Variants in PARN observed in about 807,000 individuals in gnomAD.
PARN encodes the protein poly(A)-specific ribonuclease.
In PARN, 71 loss-of-function variants were observed where a neutral mutation model predicts 102.8. That is an observed-to-expected ratio of 0.69 (90% CI 0.57 to 0.84). The LOEUF (loss-of-function observed/expected upper bound fraction) is 0.84. PARN is among the 40% of genes least tolerant of loss of function. The pLI is 0.00. For missense variants in PARN, 782 were observed against 760.9 expected (o/e 1.03, Z -0.33); for synonymous variants, 261 against 252.9 (o/e 1.03, Z -0.30).
intron 11 of PARN, among the ~76,000 whole-genome samples, chr16:14,602,385 G>T (rs190714857): frequency 2.6e-5 from 4 of 152,180 alleles, no homozygotes; most frequent in Admixed American, 2.0e-4. Context: ...TCCAGTCCCA[G>T]TCTCTCTGCC....
In PARN at chr16:14,437,582, T is replaced by G. The variant is rs191176070; in HGVS notation, c.1865-810A>C. Among the ~76,000 whole-genome samples the G allele has an allele frequency of 9.2e-5, 14 of 152,318 alleles. No individual in the cohort carries two copies. In the East Asian group the frequency reaches 2.3e-3, roughly 25 times the overall value. On this transcript the variant is annotated intron_variant, in intron 23 of 23. Coordinates refer to ENST00000437198, the MANE Select transcript of PARN (RefSeq NM_002582.4). ...GCCAGCAACTGAGCTGGGACTGGAC[T>G]TCAACGAATGTGAGGGAAGTCAGGA...
chr16:14,530,865 C>T (rs1966283983), intron 21 of PARN, among the ~76,000 whole-genome samples: 1 of 152,214 alleles, frequency 6.6e-6, no homozygotes, highest in Non-Finnish European at 1.5e-5. Flanking sequence ...ATGTAGCCCC[C>T]ATGCAGAGAA....
intron 12 of PARN, among the ~76,000 whole-genome samples, chr16:14,598,398 G>C (rs116800356): frequency 0.042 from 6,408 of 152,152 alleles, 146 homozygotes; most frequent in African/African-American, 0.051. Flanking sequence ...ACAAACAAAT[G>C]TCCAATCTTG....
At chr16:14,622,680 G>C (rs1972389032) in intron 5 of PARN, among the ~76,000 whole-genome samples, 1 of 152,082 alleles carries the variant, frequency 6.6e-6, no homozygotes, top group Non-Finnish European at 1.5e-5. Flanking sequence ...AATTTTTTTT[G>C]TATTTTTAGT....
At chr16:14,629,451 G>C (rs1972892731) in intron 2 of PARN, 146 bp downstream of exon 2, 1 of 641,336 alleles carries the variant, frequency 1.6e-6, no homozygotes, top group South Asian at 1.8e-5. Context: ...AACGTTTAAA[G>C]GGTAACACTG....
chr16:14,448,053 C>T (rs571298604), intron 22 of PARN, among the ~76,000 whole-genome samples: 2 of 152,224 alleles, frequency 1.3e-5, no homozygotes, highest in East Asian at 1.9e-4. Context: ...GGAGTGATCT[C>T]GGCTCACTGT....
chr16:14,600,965 C>T (rs1043375972), intron 11 of PARN, among the ~76,000 whole-genome samples: 3 of 151,920 alleles, frequency 2.0e-5, no homozygotes, highest in African/African-American at 7.3e-5. Context: ...AAAAACTAAC[C>T]CCAAGACTAA....
At chr16:14,440,806 A>G (rs1305886099) in intron 23 of PARN, among the ~76,000 whole-genome samples, 1 of 152,216 alleles carries the variant, frequency 6.6e-6, no homozygotes, top group Non-Finnish European at 1.5e-5. Flanking sequence ...AAAAGACAAA[A>G]TCGCAGGGAC....
chr16:14,619,581 G>A (rs1179842274), intron 5 of PARN, among the ~76,000 whole-genome samples: 1 of 152,146 alleles, frequency 6.6e-6, no homozygotes, highest in East Asian at 1.9e-4. Context: ...GAGTAACATA[G>A]GGAGACCCAT....
intron 18 of PARN, among the ~76,000 whole-genome samples, chr16:14,563,375 G>T (rs1319748292): frequency 6.6e-6 from 1 of 152,138 alleles, no homozygotes; most frequent in African/African-American, 2.4e-5. Context: ...CTCCAGCCAC[G>T]AAGGAAGGTT....
At chr16:14,554,558 G>T (rs1043828898) in intron 19 of PARN, among the ~76,000 whole-genome samples, 1 of 151,606 alleles carries the variant, frequency 6.6e-6, no homozygotes, top group African/African-American at 2.4e-5. Flanking sequence ...AACCTCCTGA[G>T]CAGCTGAGGC....
At chr16:14,543,020 G>A (rs112805432) in intron 21 of PARN, among the ~76,000 whole-genome samples, 6 of 152,278 alleles carry the variant, frequency 3.9e-5, no homozygotes, top group Admixed American at 2.6e-4. Context: ...CTACGCCTAC[G>A]TGCATTATAT....
chr16:14,528,610 T>G (rs1966137808), intron 21 of PARN, among the ~76,000 whole-genome samples: 1 of 152,206 alleles, frequency 6.6e-6, no homozygotes, highest in South Asian at 2.1e-4. Flanking sequence ...GATTTCTGAA[T>G]AGACTGATGT....
chr16:14,592,473 G>A (rs181531957), intron 13 of PARN, among the ~76,000 whole-genome samples: 9 of 152,228 alleles, frequency 5.9e-5, no homozygotes, highest in South Asian at 2.1e-4. Context: ...GACAAGTAAC[G>A]TGAGGCCACG....
chr16:14,495,311 C>G (rs8057542), intron 21 of PARN, among the ~76,000 whole-genome samples: 18,688 of 152,016 alleles, frequency 0.12, 1,209 homozygotes, highest in East Asian at 0.24. Context: ...ACACATACCC[C>G]TCAATGTCCA....
At chr16:14,584,682 T>C (rs1474273590) in intron 15 of PARN, 67 bp downstream of exon 15, 7 of 1,129,820 alleles carry the variant, frequency 6.2e-6, no homozygotes, top group South Asian at 1.4e-5. Flanking sequence ...CAGAAGGCTA[T>C]ATTGTTCTGG....
chr16:14,455,751 C>G (rs555624596), intron 22 of PARN, among the ~76,000 whole-genome samples: 1 of 152,200 alleles, frequency 6.6e-6, no homozygotes, highest in Non-Finnish European at 1.5e-5. Context: ...AATATGGTGA[C>G]AGTGACAAGC....
intron 21 of PARN, among the ~76,000 whole-genome samples, chr16:14,515,100 C>T (rs1965397042): frequency 6.6e-6 from 1 of 152,176 alleles, no homozygotes; most frequent in Non-Finnish European, 1.5e-5. Flanking sequence ...GTGCTGGTTA[C>T]TCATTTCTTC....
intron 20 of PARN, among the ~76,000 whole-genome samples, chr16:14,553,170 C>A (rs1967429407): frequency 6.7e-6 from 1 of 148,750 alleles, no homozygotes; most frequent in African/African-American, 2.5e-5. Flanking sequence ...GTAATCCCAG[C>A]ACTTTGAGAG....
Sources: allele counts gnomAD v4.1 joint callset (sites outside exome capture counted in the v4.1 genomes callset), GRCh38; gene constraint gnomAD v4.1.1; transcripts MANE v1.5; gene names NCBI Gene and HGNC (gene_info 2026-07-23, HGNC 2026-07-21).